The following HS6ST3 variants were observed in gnomAD, a reference collection of about 807,000 sequenced individuals.
The protein encoded by HS6ST3 is heparan sulfate 6-O-sulfotransferase 3, also known as heparan-sulfate 6-O-sulfotransferase 3.
Under a neutral mutation model 36.7 loss-of-function variants are expected in HS6ST3, and 12 were observed. The observed-to-expected ratio is 0.33, with a 90% CI of 0.21 to 0.53. The LOEUF is 0.53. Among genes scored for constraint, HS6ST3 ranks in the 20% least tolerant of loss-of-function variants. The pLI is 0.95. For missense variants in HS6ST3, 584 were observed against 640.9 expected, an observed-to-expected ratio of 0.91 and a Z score of 0.96; for synonymous variants, 240 against 257.5, an observed-to-expected ratio of 0.93 and a Z score of 0.65.
intron 1 of HS6ST3, among the ~76,000 whole-genome samples, chr13:96,668,151 C>T (rs1170987069): frequency 6.6e-6 from 1 of 152,012 alleles, no homozygotes; most frequent in African/African-American, 2.4e-5. Context: ...AGAGAGGTCT[C>T]TCTCTCTCTC....
chr13:96,428,199 A>T (rs1417953551), intron 1 of HS6ST3, among the ~76,000 whole-genome samples: 1 of 152,144 alleles, frequency 6.6e-6, no homozygotes, highest in Non-Finnish European at 1.5e-5. Flanking sequence ...TACAAAAAAA[A>T]TTAGCCGGGC....
chr13:96,312,879 G>T (rs966708720), intron 1 of HS6ST3, among the ~76,000 whole-genome samples: 1 of 150,934 alleles, frequency 6.6e-6, no homozygotes, highest in African/African-American at 2.4e-5. Context: ...TTGAACTTGG[G>T]GGGCGGAGGT....
chr13:96,530,780 G>A (rs1241006306), intron 1 of HS6ST3, among the ~76,000 whole-genome samples: 1 of 152,178 alleles, frequency 6.6e-6, no homozygotes, highest in African/African-American at 2.4e-5. Flanking sequence ...CTACTGGACT[G>A]CCCTGGCTAT....
intron 1 of HS6ST3, among the ~76,000 whole-genome samples, chr13:96,464,212 A>AC (rs1310897179): frequency 1.3e-5 from 2 of 148,724 alleles, no homozygotes; most frequent in Non-Finnish European, 3.0e-5. Context: ...GAGATGCCAA[A>AC]CCCCTCATCA....
At chr13:96,702,622 T>C (rs986532826) in intron 1 of HS6ST3, among the ~76,000 whole-genome samples, 1 of 152,224 alleles carries the variant, frequency 6.6e-6, no homozygotes, top group African/African-American at 2.4e-5. Flanking sequence ...ACTGCTTCTC[T>C]ATTGCAAACC....
At chr13:96,748,805 C>T (rs1876625893) in intron 1 of HS6ST3, among the ~76,000 whole-genome samples, 1 of 151,976 alleles carries the variant, frequency 6.6e-6, no homozygotes, top group East Asian at 1.9e-4. Context: ...TATACTCCTT[C>T]CTTCTTTTAT....
chr13:96,218,080 C>T (rs1176210313), intron 1 of HS6ST3, among the ~76,000 whole-genome samples: 1 of 152,116 alleles, frequency 6.6e-6, no homozygotes, highest in Non-Finnish European at 1.5e-5. Flanking sequence ...TTAAAGGAGA[C>T]TTTAATTATG....
chr13:96,450,007 A>G (rs1594782934), intron 1 of HS6ST3, among the ~76,000 whole-genome samples: 1 of 152,352 alleles, frequency 6.6e-6, no homozygotes, highest in Non-Finnish European at 1.5e-5. Flanking sequence ...AAAACACATC[A>G]AAGAGCAGCC....
intron 1 of HS6ST3, among the ~76,000 whole-genome samples, chr13:96,205,065 T>A (rs1269334872): frequency 2.0e-5 from 3 of 149,502 alleles, no homozygotes; most frequent in Non-Finnish European, 4.5e-5. Flanking sequence ...TTTGAAAAAA[T>A]TAAAAAATAC....
At chr13:96,569,795 C>A (rs963385748) in intron 1 of HS6ST3, among the ~76,000 whole-genome samples, 1 of 152,154 alleles carries the variant, frequency 6.6e-6, no homozygotes, top group African/African-American at 2.4e-5. Flanking sequence ...AAAATGTAAA[C>A]CCTGCTCAGG....
At chr13:96,827,930 C>T (rs569439845) in intron 1 of HS6ST3, among the ~76,000 whole-genome samples, 22 of 152,148 alleles carry the variant, frequency 1.4e-4, no homozygotes, top group Non-Finnish European at 2.9e-4. Context: ...AGGACTAAAG[C>T]AGGATTAATA....
intron 1 of HS6ST3, among the ~76,000 whole-genome samples, chr13:96,259,041 C>T (rs2054651495): frequency 1.3e-5 from 2 of 152,050 alleles, no homozygotes; most frequent in South Asian, 4.1e-4. Context: ...ATATTCTACA[C>T]AGAGGGAATT....
intron 1 of HS6ST3, among the ~76,000 whole-genome samples, chr13:96,814,073 G>T (rs1290293023): frequency 6.6e-6 from 1 of 152,192 alleles, no homozygotes; most frequent in South Asian, 2.1e-4. Flanking sequence ...TTGCTCTCCT[G>T]TATGTTTCCT....
intron 1 of HS6ST3, among the ~76,000 whole-genome samples, chr13:96,286,742 T>C (rs2054805349): frequency 6.6e-6 from 1 of 152,140 alleles, no homozygotes; most frequent in South Asian, 2.1e-4. Flanking sequence ...TCTGTTACCC[T>C]GGGAGTTGAT....
chr13:96,142,007 A>T (rs1415106401), intron 1 of HS6ST3, among the ~76,000 whole-genome samples: 3 of 149,600 alleles, frequency 2.0e-5, no homozygotes, highest in African/African-American at 7.4e-5. Flanking sequence ...CCAATCAAGA[A>T]ATCATGAAAG....
At chr13:96,190,161 A>T (rs975965511) in intron 1 of HS6ST3, among the ~76,000 whole-genome samples, 18 of 152,232 alleles carry the variant, frequency 1.2e-4, no homozygotes, top group African/African-American at 3.9e-4. Flanking sequence ...TTTGCAAGTG[A>T]CTACGACATA....
chr13:96,798,745 T>C (rs899689711), intron 1 of HS6ST3, among the ~76,000 whole-genome samples: 1 of 152,124 alleles, frequency 6.6e-6, no homozygotes, highest in African/African-American at 2.4e-5. Flanking sequence ...TGTCTCCATG[T>C]GTGTGTAATC....
intron 1 of HS6ST3, among the ~76,000 whole-genome samples, chr13:96,726,826 A>G (rs899995942): frequency 2.6e-5 from 4 of 151,792 alleles, no homozygotes; most frequent in African/African-American, 7.3e-5. Context: ...CATTATTTCC[A>G]GTGAGAAATC....
chr13:96,111,754 T>C (rs1368579398), intron 1 of HS6ST3, among the ~76,000 whole-genome samples: 2 of 152,214 alleles, frequency 1.3e-5, no homozygotes, highest in Non-Finnish European at 2.9e-5. Context: ...TCTCATTCAC[T>C]GTAGTGACAA....
Sources: allele counts gnomAD v4.1 joint callset (sites outside exome capture counted in the v4.1 genomes callset), GRCh38; gene constraint gnomAD v4.1.1; transcripts MANE v1.5; gene names NCBI Gene and HGNC (gene_info 2026-07-23, HGNC 2026-07-21).